The following GPC3 variants were observed in gnomAD, a reference collection of about 807,000 sequenced individuals.
The protein encoded by GPC3 is glypican 3.
GPC3 carries 3 observed loss-of-function variants against 34.4 expected under a neutral mutation model. The ratio of observed to expected loss-of-function variants is 0.09; its 90% confidence interval spans 0.04 to 0.23. The LOEUF is 0.23. Ranked by LOEUF, GPC3 falls within the 10% of genes least tolerant of loss-of-function variation. The pLI is 1.00. For missense variants in GPC3, 351 were observed against 445.6 expected (o/e 0.79, Z 1.91); for synonymous variants, 177 against 174.0 (o/e 1.02, Z -0.13).
At chrX:133,869,941 C>T (rs1429350507) in intron 2 of GPC3, among the ~76,000 whole-genome samples, 1 of 111,858 alleles carries the variant, frequency 8.9e-6, no homozygotes, top group African/African-American at 3.3e-5. Flanking sequence ...GGCGATAGAG[C>T]GAGAGTCCGT....
chrX:133,621,207 G>T (rs1379958128), intron 6 of GPC3, among the ~76,000 whole-genome samples: 3 of 111,636 alleles, frequency 2.7e-5, no homozygotes, highest in Non-Finnish European at 5.6e-5. Flanking sequence ...GGCCGAATAG[G>T]AACAGCTCCA....
chrX:133,727,788 T>C (rs975483742), intron 3 of GPC3, among the ~76,000 whole-genome samples: 1 of 112,095 alleles, frequency 8.9e-6, no homozygotes, highest in African/African-American at 3.2e-5. Context: ...TCAAATGTTA[T>C]AACTACTTCC....
chrX:133,630,900 T>A (rs1255481976), intron 6 of GPC3, among the ~76,000 whole-genome samples: 1 of 112,004 alleles, frequency 8.9e-6, no homozygotes, highest in African/African-American at 3.2e-5. Context: ...TATATTTTGC[T>A]AGTCCCATAA....
intron 1 of GPC3, among the ~76,000 whole-genome samples, chrX:133,957,549 G>A (rs185609624): frequency 2.4e-3 from 270 of 112,235 alleles, no homozygotes; most frequent in African/African-American, 8.1e-3. Flanking sequence ...TTCTCATCAA[G>A]TAAACAAAGA....
chrX:133,703,568 C>A (rs2071185547), intron 3 of GPC3, among the ~76,000 whole-genome samples: 1 of 108,588 alleles, frequency 9.2e-6, no homozygotes, highest in East Asian at 3.0e-4. Flanking sequence ...TCACGCCATT[C>A]TCCTGCTTCA....
chrX:133,538,708 G>A (rs1371900469), intron 7 of GPC3, among the ~76,000 whole-genome samples: 1 of 100,560 alleles, frequency 9.9e-6, no homozygotes, highest in South Asian at 5.1e-4. Context: ...TTTCTGTGTC[G>A]CCCAGGCTGC....
chrX:133,863,951 G>A (rs1227079644), intron 2 of GPC3, among the ~76,000 whole-genome samples: 1 of 111,206 alleles, frequency 9.0e-6, no homozygotes, highest in Non-Finnish European at 1.9e-5. Context: ...CACCGCGCCC[G>A]GCCAAAAATA....
intron 2 of GPC3, among the ~76,000 whole-genome samples, chrX:133,874,486 C>T (rs144760498): frequency 0.011 from 1,174 of 111,691 alleles, 19 homozygotes; most frequent in African/African-American, 0.036. Context: ...GTCCTTTGAC[C>T]ATGATGATCC....
intron 3 of GPC3, among the ~76,000 whole-genome samples, chrX:133,743,113 A>G (rs1420612309): frequency 8.9e-6 from 1 of 112,799 alleles, no homozygotes; most frequent in Non-Finnish European, 1.9e-5. Flanking sequence ...AGTCCCCCGG[A>G]CAAGGAAGGG....
At chrX:133,856,901 A>G (rs1289393819) in intron 2 of GPC3, among the ~76,000 whole-genome samples, 1 of 111,855 alleles carries the variant, frequency 8.9e-6, no homozygotes, top group Non-Finnish European at 1.9e-5. Flanking sequence ...AGGTCACTTA[A>G]CTCGTGTGTG....
intron 2 of GPC3, among the ~76,000 whole-genome samples, chrX:133,924,831 GGAGA>G (rs1239410049): frequency 9.0e-6 from 1 of 111,481 alleles, no homozygotes; most frequent in African/African-American, 3.3e-5. Context: ...TGAATGGGAA[GGAGA>G]GAGTCAGTCC....
chrX:133,971,716 G>C (rs775045453), intron 1 of GPC3, among the ~76,000 whole-genome samples: 1 of 111,101 alleles, frequency 9.0e-6, no homozygotes, highest in South Asian at 3.9e-4. Context: ...GCGGAGAACA[G>C]TCCAACAGAC....
intron 7 of GPC3, 47 bp from the exon 8 acceptor site, chrX:133,536,340 C>T: frequency 1.1e-6 from 1 of 941,781 alleles, no homozygotes; most frequent in Non-Finnish European, 1.5e-6. Context: ...TACCCATAGC[C>T]TCAGTATAAC....
At chrX:133,870,818 C>T (rs925006202) in intron 2 of GPC3, among the ~76,000 whole-genome samples, 2 of 111,752 alleles carry the variant, frequency 1.8e-5, no homozygotes, top group African/African-American at 6.5e-5. Flanking sequence ...TCAAATGTCA[C>T]CAATGACTTT....
chrX:133,941,914 A>T, intron 2 of GPC3, among the ~76,000 whole-genome samples: 1 of 112,349 alleles, frequency 8.9e-6, no homozygotes, highest in Non-Finnish European at 1.9e-5. Flanking sequence ...AAATGATGAA[A>T]GAATATTAGT....
intron 6 of GPC3, among the ~76,000 whole-genome samples, chrX:133,624,038 C>T (rs1323266224): frequency 8.9e-6 from 1 of 112,016 alleles, no homozygotes; most frequent in Non-Finnish European, 1.9e-5. Context: ...GGAAACTGAA[C>T]AACCTGCTCC....
At chrX:133,903,770 C>T (rs1046881945) in intron 2 of GPC3, among the ~76,000 whole-genome samples, 15 of 112,013 alleles carry the variant, frequency 1.3e-4, no homozygotes, top group Non-Finnish European at 2.6e-4. Flanking sequence ...CACTCCTCCC[C>T]TTTCTTGCTT....
intron 2 of GPC3, among the ~76,000 whole-genome samples, chrX:133,850,403 T>C (rs1475092903): frequency 9.0e-6 from 1 of 110,654 alleles, no homozygotes; most frequent in East Asian, 2.8e-4. Context: ...GGAAGTATCA[T>C]GATGAATGAG....
chrX:133,565,533 AT>A (rs1348806579), intron 7 of GPC3, among the ~76,000 whole-genome samples: 1 of 112,217 alleles, frequency 8.9e-6, no homozygotes, highest in African/African-American at 3.2e-5. Context: ...AACTGGCTGC[AT>A]TGAATTCTTG....
Sources: allele counts gnomAD v4.1 joint callset (sites outside exome capture counted in the v4.1 genomes callset), GRCh38; gene constraint gnomAD v4.1.1; transcripts MANE v1.5; gene names NCBI Gene and HGNC (gene_info 2026-07-23, HGNC 2026-07-21).